ELAPOR1: variants seen among roughly 807,000 people sequenced by gnomAD.
ELAPOR1 encodes endosome/lysosome-associated apoptosis and autophagy regulator 1.
A neutral mutation model predicts 119.7 loss-of-function variants in ELAPOR1; 77 were observed. The observed-to-expected ratio is 0.64, with a 90% CI of 0.54 to 0.78. The LOEUF (loss-of-function observed/expected upper bound fraction) is 0.78, where lower values mean the gene tolerates loss of function less well. Ranked by LOEUF, ELAPOR1 falls within the 30% of genes least tolerant of loss-of-function variation. ELAPOR1 has a pLI of 0.00. For missense variants in ELAPOR1, 1,115 were observed against 1,270.4 expected (o/e 0.88, Z 1.86); for synonymous variants, 481 against 487.2 (o/e 0.99, Z 0.17).
intron 7 of ELAPOR1, among the ~76,000 whole-genome samples, chr1:109,176,684 T>C (rs1176810680): frequency 2.8e-5 from 4 of 143,876 alleles, no homozygotes; most frequent in Non-Finnish European, 4.5e-5. Flanking sequence ...AGGACAATAG[T>C]GGAGGGAAGG....
chr1:109,192,655 T>C lies in ELAPOR1; in HGVS notation c.1728T>C (p.Asn576=). Residue 576 remains asparagine, a synonymous_variant, in exon 14 of 22, where the codon AAT becomes AAC. Coordinates refer to ENST00000369939, the MANE Select transcript of ELAPOR1 (RefSeq NM_020775.5). ...ACGTTGCCAAGATCTACTCCATCAA[T>C]GTCACCAATGTTATGAATGGTGTGG... ...TNDVAKIYSI[N]VTNVMNGVAS... 6.2e-7 allele frequency: 1 copy of C among 1,614,186 alleles called. No individual in the cohort carries two copies. The highest frequency in any genetic ancestry group is 8.5e-7 in the Non-Finnish European group (1 of 1,180,016).
At chr1:109,138,024 C>A (rs1429761274) in intron 1 of ELAPOR1, among the ~76,000 whole-genome samples, 2 of 152,208 alleles carry the variant, frequency 1.3e-5, no homozygotes, top group Non-Finnish European at 2.9e-5. Context: ...AGTGAAAGGA[C>A]TTTGCTGGTG....
At chr1:109,123,435 T>C (rs1489435145) in intron 1 of ELAPOR1, among the ~76,000 whole-genome samples, 4 of 152,210 alleles carry the variant, frequency 2.6e-5, no homozygotes, top group Non-Finnish European at 5.9e-5. Flanking sequence ...GACATATGAA[T>C]ATTTTTAATC....
At chr1:109,165,982 C>T (rs1651576141) in intron 3 of ELAPOR1, among the ~76,000 whole-genome samples, 1 of 151,870 alleles carries the variant, frequency 6.6e-6, no homozygotes, top group African/African-American at 2.4e-5. Flanking sequence ...GTGGTGCCCT[C>T]TCCGCTCACT....
intron 1 of ELAPOR1, among the ~76,000 whole-genome samples, chr1:109,125,971 A>G (rs1449175848): frequency 1.3e-5 from 2 of 152,132 alleles, no homozygotes; most frequent in Non-Finnish European, 2.9e-5. Context: ...CTTCTCCCAC[A>G]CTACGCCAGC....
chr1:109,191,934 T>C, intron 13 of ELAPOR1, 71 bp downstream of exon 13: 2 of 1,553,586 alleles, frequency 1.3e-6, no homozygotes, highest in Non-Finnish European at 1.8e-6. Context: ...AGCATTAGCT[T>C]AAGTATGAGT....
intron 1 of ELAPOR1, among the ~76,000 whole-genome samples, chr1:109,153,670 C>T (rs575772049): frequency 4.6e-5 from 7 of 151,822 alleles, no homozygotes; most frequent in East Asian, 1.9e-4. Context: ...GACAGAGTCT[C>T]GCTCTGTTGC....
rs569774276 is a variant in ELAPOR1 at position 109,138,461 on chromosome 1, C to T, written c.154-23433C>T. Among the ~76,000 whole-genome samples, 24 of 152,124 alleles carry T rather than the reference C, an allele frequency of 1.6e-4. No homozygotes were observed. In the South Asian group the frequency reaches 2.9e-3, roughly 18 times the overall value. On this transcript the variant is annotated intron_variant, in intron 1 of 21. Transcript: ENST00000369939. ...TCTATTTGGCCTCTATGGCTCGGAG[C>T]GCTCATATATCACAGGTGTGTCCAC...
chr1:109,177,470 A>G (rs1447394007), intron 7 of ELAPOR1, among the ~76,000 whole-genome samples: 1 of 131,500 alleles, frequency 7.6e-6, no homozygotes, highest in African/African-American at 3.2e-5. Context: ...GTGGCCGGGC[A>G]GAGACGCTCC....
chr1:109,149,171 G>A (rs144478605), intron 1 of ELAPOR1, among the ~76,000 whole-genome samples: 6 of 152,286 alleles, frequency 3.9e-5, no homozygotes, highest in Admixed American at 3.9e-4. Flanking sequence ...CATGACAGGG[G>A]AAACTGAGGA....
At chr1:109,137,056 AG>A (rs1033325539) in intron 1 of ELAPOR1, among the ~76,000 whole-genome samples, 26 of 152,158 alleles carry the variant, frequency 1.7e-4, no homozygotes, top group African/African-American at 6.0e-4. Context: ...TGAGGGGTGA[AG>A]GGGACCAGGC....
chr1:109,129,975 GAAGAA>G (rs899815953), intron 1 of ELAPOR1, among the ~76,000 whole-genome samples: 9 of 152,192 alleles, frequency 5.9e-5, no homozygotes, highest in South Asian at 2.1e-4. Flanking sequence ...AGGTTCTAGG[GAAGAA>G]CCTTCCTTGC....
At chr1:109,175,826 C>CAAAAAA (rs55824923) in intron 7 of ELAPOR1, among the ~76,000 whole-genome samples, 3 of 88,448 alleles carry the variant, frequency 3.4e-5, no homozygotes, top group Middle Eastern at 8.2e-3. Context: ...GACTCAGTCT[C>CAAAAAA]AAAAAAAAAA....
At chr1:109,163,645 T>A (rs1429805819) in intron 2 of ELAPOR1, among the ~76,000 whole-genome samples, 1 of 152,120 alleles carries the variant, frequency 6.6e-6, no homozygotes, top group Non-Finnish European at 1.5e-5. Flanking sequence ...GTGATCCTCC[T>A]GCCTTGGTCT....
At chr1:109,170,117 G>A (rs2101055035) in intron 3 of ELAPOR1, among the ~76,000 whole-genome samples, 1 of 152,334 alleles carries the variant, frequency 6.6e-6, no homozygotes, top group South Asian at 2.1e-4. Context: ...TTTATGTGAA[G>A]CTTGAAAACA....
chr1:109,162,670 G>A (rs1651334607), intron 2 of ELAPOR1, among the ~76,000 whole-genome samples: 1 of 152,228 alleles, frequency 6.6e-6, no homozygotes, highest in African/African-American at 2.4e-5. Context: ...GGAATTATCT[G>A]AAGAGTTGGA....
intron 20 of ELAPOR1, 42 bp downstream of exon 20, chr1:109,200,279 G>T: frequency 6.3e-7 from 1 of 1,594,416 alleles, no homozygotes; most frequent in South Asian, 1.1e-5. Flanking sequence ...GACAGGGTTG[G>T]ATTATTGATC....
intron 1 of ELAPOR1, among the ~76,000 whole-genome samples, chr1:109,119,626 T>C (rs190455567): frequency 1.3e-5 from 2 of 152,292 alleles, no homozygotes; most frequent in African/African-American, 4.8e-5. Flanking sequence ...GCTTCTAAAC[T>C]CATCTACGTT....
chr1:109,198,286 A>G lies in ELAPOR1; in HGVS notation c.2399+211A>G, dbSNP rs532825787. On this transcript the variant is annotated intron_variant, in intron 17 of 21. Coordinates refer to ENST00000369939, the MANE Select transcript of ELAPOR1 (RefSeq NM_020775.5). ...GAGCAGATCTGCCCTAGAGGCAAGGAGAAATATTGGATGATCTGCAGTGGA... is the reference window on the plus strand; with the variant it reads ...GAGCAGATCTGCCCTAGAGGCAAGGGGAAATATTGGATGATCTGCAGTGGA... 2.6e-5 allele frequency among the ~76,000 whole-genome samples: 4 copies of G among 152,308 alleles called. No homozygotes were observed. The South Asian group carries it at 8.3e-4, about 32-fold the overall frequency.
Sources: gnomAD v4.1 joint callset for allele counts (sites outside exome capture counted in the v4.1 genomes callset) on GRCh38, gnomAD v4.1.1 for gene constraint, MANE v1.5 for transcripts, NCBI Gene and HGNC (gene_info 2026-07-23, HGNC 2026-07-21) for gene names.